Variants in STARD13 observed in about 807,000 individuals in gnomAD.
STARD13 encodes the protein StAR related lipid transfer domain containing 13.
STARD13 carries 62 observed loss-of-function variants against 106.4 expected under a neutral mutation model. The observed-to-expected ratio is 0.58, with a 90% CI of 0.48 to 0.72. STARD13 has a LOEUF of 0.72. Among genes scored for constraint, STARD13 ranks in the 30% least tolerant of loss-of-function variants. The pLI is 0.00. For missense variants in STARD13, 1,387 were observed against 1,424.0 expected (o/e 0.97, Z 0.42); for synonymous variants, 565 against 553.0 (o/e 1.02, Z -0.31).
intron 1 of STARD13, among the ~76,000 whole-genome samples, chr13:33,249,817 T>C (rs1247321295): frequency 2.0e-5 from 3 of 152,088 alleles, no homozygotes; most frequent in African/African-American, 7.2e-5. Flanking sequence ...AGAGACAGGG[T>C]CTTACTGTGT....
intron 3 of STARD13, among the ~76,000 whole-genome samples, chr13:33,157,181 C>T (rs780977328): frequency 4.6e-5 from 7 of 152,036 alleles, no homozygotes; most frequent in African/African-American, 9.7e-5. Flanking sequence ...CCCACCCCTG[C>T]CCCATGTGAA....
At chr13:33,624,122 C>T in the STARD13 span, among the ~76,000 whole-genome samples, 7 of 152,246 alleles carry the variant, frequency 4.6e-5, no homozygotes, top group East Asian at 1.9e-4. Context: ...TGAGTATGTA[C>T]GCCTACAAAA....
At position 33,112,801 on chromosome 13, in the gene STARD13, C is replaced by G. The variant is rs1289366281; in HGVS notation, c.2412G>C (p.Gln804His). The change falls in exon 9 of 14, where the codon CAG becomes CAC. Residue 804 changes from glutamine (Q) to histidine (H), a missense_variant. Coordinates refer to ENST00000336934, the MANE Select transcript of STARD13 (RefSeq NM_178006.4). ...NDVVNLVEENQMTPMNLAVCL... is the reference protein window; with the variant it reads ...NDVVNLVEENHMTPMNLAVCL... Reference sequence around the variant, plus strand: ...ACACTGCCAGGTTCATGGGCGTCATCTGATTCTCTTCCACCAAGTTGACGA... The same window carrying G: ...ACACTGCCAGGTTCATGGGCGTCATGTGATTCTCTTCCACCAAGTTGACGA... The G allele has an allele frequency of 1.9e-6, 3 of 1,613,866 alleles. No homozygotes were observed.
chr13:33,156,413 A>G (rs1881993305), intron 3 of STARD13, among the ~76,000 whole-genome samples: 1 of 152,232 alleles, frequency 6.6e-6, no homozygotes, highest in South Asian at 2.1e-4. Context: ...GGCAAAGACA[A>G]GAACCTGAAA....
chr13:33,472,273 T>A, the STARD13 span, among the ~76,000 whole-genome samples: 1 of 152,136 alleles, frequency 6.6e-6, no homozygotes, highest in Admixed American at 6.5e-5. Context: ...AGTGCATTTG[T>A]TTCTTCTTTC....
At chr13:33,527,229 A>T in the STARD13 span, among the ~76,000 whole-genome samples, 2 of 151,494 alleles carry the variant, frequency 1.3e-5, no homozygotes, top group Admixed American at 6.6e-5. Context: ...CTTTTTTTTT[A>T]TGGGTCTTTA....
At chr13:33,556,000 A>G in the STARD13 span, among the ~76,000 whole-genome samples, 690 of 152,342 alleles carry the variant, frequency 4.5e-3, 7 homozygotes, top group Middle Eastern at 0.061. Flanking sequence ...TGGAGCTTTC[A>G]TAGACACAGG....
the STARD13 span, among the ~76,000 whole-genome samples, chr13:33,448,418 T>C: frequency 6.6e-6 from 1 of 152,200 alleles, no homozygotes; most frequent in East Asian, 1.9e-4. Context: ...TTCATCCATG[T>C]TGCCACAAGT....
At chr13:33,406,311 C>T in the STARD13 span, among the ~76,000 whole-genome samples, 5 of 152,170 alleles carry the variant, frequency 3.3e-5, no homozygotes, top group African/African-American at 1.2e-4. Flanking sequence ...AGATACTATA[C>T]TTGTTTTACT....
At chr13:33,208,622 T>C (rs1364087470) in intron 1 of STARD13, among the ~76,000 whole-genome samples, 1 of 151,892 alleles carries the variant, frequency 6.6e-6, no homozygotes, top group Non-Finnish European at 1.5e-5. Flanking sequence ...CTAGAAACCA[T>C]GTTAAGGATG....
At chr13:33,143,171 G>A (rs1042873143) in intron 3 of STARD13, among the ~76,000 whole-genome samples, 35 of 152,122 alleles carry the variant, frequency 2.3e-4, no homozygotes, top group African/African-American at 8.2e-4. Flanking sequence ...TAAGCCACTC[G>A]GTCATGGTGT....
chr13:33,495,367 A>G, the STARD13 span, among the ~76,000 whole-genome samples: 1 of 152,206 alleles, frequency 6.6e-6, no homozygotes, highest in African/African-American at 2.4e-5. Flanking sequence ...AGACTTGTTA[A>G]GAAAATGCTA....
At chr13:33,218,714 A>G (rs548444275) in intron 1 of STARD13, among the ~76,000 whole-genome samples, 1 of 152,384 alleles carries the variant, frequency 6.6e-6, no homozygotes, top group South Asian at 2.1e-4. Context: ...AACACAGCAG[A>G]GTACTATATA....
At chr13:33,264,126 C>T (rs968844019) in intron 1 of STARD13, among the ~76,000 whole-genome samples, 6 of 152,210 alleles carry the variant, frequency 3.9e-5, no homozygotes, top group African/African-American at 1.4e-4. Context: ...CATCCACTGC[C>T]AGTCATGCAA....
intron 1 of STARD13, among the ~76,000 whole-genome samples, chr13:33,247,955 G>T (rs1277307295): frequency 6.6e-6 from 1 of 152,202 alleles, no homozygotes; most frequent in Non-Finnish European, 1.5e-5. Context: ...TTTCATGTGG[G>T]TGATTTACCT....
chr13:33,242,622 C>G (rs1415272753), intron 1 of STARD13, among the ~76,000 whole-genome samples: 13 of 151,206 alleles, frequency 8.6e-5, no homozygotes, highest in South Asian at 4.2e-4. Flanking sequence ...CGGAAGGCGG[C>G]AGGGCCCTCT....
At chr13:33,465,948 T>C in the STARD13 span, among the ~76,000 whole-genome samples, 1 of 152,180 alleles carries the variant, frequency 6.6e-6, no homozygotes, top group Admixed American at 6.5e-5. Context: ...AATAATATGA[T>C]GTGATGGGAC....
the STARD13 span, among the ~76,000 whole-genome samples, chr13:33,609,274 C>T: frequency 6.6e-6 from 1 of 151,942 alleles, no homozygotes; most frequent in Non-Finnish European, 1.5e-5. Flanking sequence ...ATAGAAATGT[C>T]GCAAAGTATG....
the STARD13 span, among the ~76,000 whole-genome samples, chr13:33,650,441 C>T: frequency 5.7e-3 from 861 of 151,864 alleles, 7 homozygotes; most frequent in Admixed American, 0.012. Context: ...CCGCCCGCCT[C>T]GGCCTCCCAA....
Sources: gnomAD v4.1 joint callset for allele counts (sites outside exome capture counted in the v4.1 genomes callset) on GRCh38, gnomAD v4.1.1 for gene constraint, MANE v1.5 for transcripts, NCBI Gene and HGNC (gene_info 2026-07-23, HGNC 2026-07-21) for gene names.